Variants in DACH1 observed in about 807,000 individuals in gnomAD.
The protein encoded by DACH1 is dachshund homolog 1.
In DACH1, 12 loss-of-function variants were observed where a neutral mutation model predicts 54.2. The ratio of observed to expected loss-of-function variants is 0.22; its 90% CI spans 0.14 to 0.36. The LOEUF (loss-of-function observed/expected upper bound fraction) is 0.36, where lower values mean the gene tolerates loss of function less well. DACH1 is among the 10% of genes least tolerant of loss of function. The pLI, the probability that DACH1 is intolerant of heterozygous loss-of-function variation, is 1.00. For missense variants in DACH1, 805 were observed against 929.8 expected (o/e 0.87, Z 1.75); for synonymous variants, 386 against 366.2 (o/e 1.05, Z -0.62).
At chr13:71,836,903 G>A (rs1225972637) in intron 1 of DACH1, among the ~76,000 whole-genome samples, 1 of 151,970 alleles carries the variant, frequency 6.6e-6, no homozygotes, top group Non-Finnish European at 1.5e-5. Flanking sequence ...TATGAGGGTA[G>A]GGATTTTTAT....
intron 2 of DACH1, chr13:71,675,458 G>A (rs2138687670): frequency 3.3e-6 from 5 of 1,496,196 alleles, no homozygotes; most frequent in Non-Finnish European, 4.5e-6. Flanking sequence ...CGCCGCATAC[G>A]TGGAGAACGT....
intron 4 of DACH1, among the ~76,000 whole-genome samples, chr13:71,569,763 T>C (rs1885093683): frequency 6.6e-6 from 1 of 152,228 alleles, no homozygotes; most frequent in Admixed American, 6.5e-5. Context: ...AGTTTTAATT[T>C]TAAGTCTTGT....
At chr13:71,533,264 C>T (rs1882535203) in intron 6 of DACH1, among the ~76,000 whole-genome samples, 1 of 151,746 alleles carries the variant, frequency 6.6e-6, no homozygotes, top group Non-Finnish European at 1.5e-5. Flanking sequence ...GAAATATTTT[C>T]TCCATTTCCC....
intron 3 of DACH1, among the ~76,000 whole-genome samples, chr13:71,617,516 T>C (rs1347612708): frequency 2.6e-5 from 4 of 152,132 alleles, no homozygotes; most frequent in Non-Finnish European, 2.9e-5. Context: ...GCAGTCTTCA[T>C]CTCAAAAAAG....
chr13:71,735,834 C>T (rs897094577), intron 1 of DACH1, among the ~76,000 whole-genome samples: 5 of 151,932 alleles, frequency 3.3e-5, no homozygotes, highest in African/African-American at 1.2e-4. Context: ...TATAATTAAT[C>T]TATTTTTATA....
At chr13:71,817,831 T>TC (rs1402352783) in intron 1 of DACH1, among the ~76,000 whole-genome samples, 2 of 148,828 alleles carry the variant, frequency 1.3e-5, no homozygotes, top group African/African-American at 4.9e-5. Context: ...TTTTTTTTTT[T>TC]TGAGACAGGG....
chr13:71,720,050 GT>G (rs1883156885), intron 1 of DACH1, among the ~76,000 whole-genome samples: 1 of 152,142 alleles, frequency 6.6e-6, no homozygotes. Flanking sequence ...CTAAAATGCT[GT>G]CTTTAAATTA....
chr13:71,751,022 G>A (rs1443879555), intron 1 of DACH1, among the ~76,000 whole-genome samples: 2 of 152,132 alleles, frequency 1.3e-5, no homozygotes, highest in Admixed American at 1.3e-4. Context: ...GTCAGGAGAG[G>A]CTTCAGTTTT....
At position 71,443,279 on chromosome 13, in the gene DACH1, C is replaced by G. The variant is rs543125396; in HGVS notation, c.2084-2587G>C. 4.0e-5 allele frequency among the ~76,000 whole-genome samples: 6 copies of G among 151,722 alleles called. No homozygotes were observed. The East Asian group carries it at 1.2e-3, about 29-fold the overall frequency. The stretch of plus-strand genomic sequence containing the variant: ...ACTTTAAGAATAATAATAATGATTA[C>G]TTGAAAGTTGCTAAATAGCCTTAGC... On this transcript the variant is annotated intron_variant, in intron 10 of 10. Transcript: ENST00000613252.
chr13:71,852,234 A>T (rs1184087697), intron 1 of DACH1, among the ~76,000 whole-genome samples: 1 of 152,198 alleles, frequency 6.6e-6, no homozygotes, highest in African/African-American at 2.4e-5. Flanking sequence ...CAAAGGCTGG[A>T]GTCCTGACAG....
At chr13:71,783,641 G>A (rs2138073208) in intron 1 of DACH1, among the ~76,000 whole-genome samples, 1 of 152,148 alleles carries the variant, frequency 6.6e-6, no homozygotes, top group Non-Finnish European at 1.5e-5. Flanking sequence ...CAGAGAAGAA[G>A]GAATGGTTAC....
At chr13:71,525,037 G>A (rs769161001) in intron 6 of DACH1, among the ~76,000 whole-genome samples, 8 of 152,070 alleles carry the variant, frequency 5.3e-5, no homozygotes, top group Non-Finnish European at 7.4e-5. Context: ...AATTTCAATC[G>A]CCCTATGGCA....
chr13:71,849,742 A>C lies in DACH1; in HGVS notation c.848+16180T>G, dbSNP rs931429320. ...ACTGTACTAGAGACAGATGGAGCAG[A>C]TCAGAGAAGATTCTAATATTCTTCC... On this transcript the variant is annotated intron_variant, in intron 1 of 10. Coordinates refer to ENST00000613252, the MANE Select transcript of DACH1 (RefSeq NM_080759.6). Among the ~76,000 whole-genome samples, 4 of 152,338 alleles carry C rather than the reference A, an allele frequency of 2.6e-5. 1 individual carries two copies. In the South Asian group the frequency reaches 6.2e-4, roughly 24 times the overall value.
intron 6 of DACH1, among the ~76,000 whole-genome samples, chr13:71,532,284 T>C (rs1224277673): frequency 6.6e-6 from 1 of 151,944 alleles, no homozygotes; most frequent in African/African-American, 2.4e-5. Context: ...AAGAAAAAGA[T>C]ATATTTCCTA....
intron 6 of DACH1, among the ~76,000 whole-genome samples, chr13:71,531,021 G>C (rs1882379619): frequency 6.6e-6 from 1 of 152,000 alleles, no homozygotes; most frequent in African/African-American, 2.4e-5. Context: ...GTGGTGGAAA[G>C]TTAGTTAGAA....
chr13:71,481,980 A>G (rs1377585419), intron 7 of DACH1, among the ~76,000 whole-genome samples: 2 of 152,354 alleles, frequency 1.3e-5, no homozygotes, highest in African/African-American at 4.8e-5. Flanking sequence ...GTGAATGACA[A>G]AAAACGATAG....
chr13:71,853,715 A>G (rs578074505), intron 1 of DACH1, among the ~76,000 whole-genome samples: 4 of 152,286 alleles, frequency 2.6e-5, no homozygotes, highest in African/African-American at 9.6e-5. Flanking sequence ...GTTTAAATGC[A>G]CTATTCTTTT....
intron 1 of DACH1, among the ~76,000 whole-genome samples, chr13:71,836,571 A>T (rs1464984773): frequency 6.6e-6 from 1 of 152,118 alleles, no homozygotes. Flanking sequence ...GCAAAGCTTT[A>T]TAGCATTAAC....
intron 1 of DACH1, among the ~76,000 whole-genome samples, chr13:71,842,339 C>G (rs554789004): frequency 2.4e-4 from 37 of 152,034 alleles, no homozygotes; most frequent in Middle Eastern, 3.4e-3. Context: ...CACTGGGAAG[C>G]CAAAGTGGGT....
Sources: gnomAD v4.1 joint callset for allele counts (sites outside exome capture counted in the v4.1 genomes callset) on GRCh38, gnomAD v4.1.1 for gene constraint, MANE v1.5 for transcripts, NCBI Gene and HGNC (gene_info 2026-07-23, HGNC 2026-07-21) for gene names.